ZFYVE26: variants seen among roughly 807,000 people sequenced by gnomAD.
ZFYVE26 encodes zinc finger FYVE-type containing 26.
ZFYVE26 carries 181 observed loss-of-function variants against 276.5 expected under a neutral mutation model. The ratio of observed to expected loss-of-function variants is 0.65; its 90% CI spans 0.58 to 0.74. The LOEUF (loss-of-function observed/expected upper bound fraction) is 0.74, where lower values mean the gene tolerates loss of function less well. Ranked by LOEUF, ZFYVE26 falls within the 30% of genes least tolerant of loss-of-function variation. The pLI, the probability that ZFYVE26 is intolerant of heterozygous loss-of-function variation, is 0.00. For missense variants in ZFYVE26, 2,821 were observed against 3,097.9 expected, an observed-to-expected ratio of 0.91 and a Z score of 2.12; for synonymous variants, 1,129 against 1,203.1, an observed-to-expected ratio of 0.94 and a Z score of 1.27.
chr14:67,748,925 TCTC>T (rs1387975546), intron 41 of ZFYVE26, among the ~76,000 whole-genome samples: 1 of 152,170 alleles, frequency 6.6e-6, no homozygotes, highest in Non-Finnish European at 1.5e-5. Flanking sequence ...CCTCTGACAC[TCTC>T]CTCCTCACTC....
intron 35 of ZFYVE26, among the ~76,000 whole-genome samples, chr14:67,758,932 A>G (rs1340202419): frequency 6.6e-6 from 1 of 152,094 alleles, no homozygotes; most frequent in Non-Finnish European, 1.5e-5. Context: ...ACTGCTCCCA[A>G]CAAATATGAA....
intron 12 of ZFYVE26, 193 bp downstream of exon 12, chr14:67,797,479 A>C: frequency 1.5e-6 from 1 of 666,094 alleles, no homozygotes; most frequent in Non-Finnish European, 2.7e-6. Flanking sequence ...AAGGATATAC[A>C]TGTTTATATT....
chr14:67,768,452 T>C, intron 30 of ZFYVE26, 65 bp downstream of exon 30: 3 of 1,549,054 alleles, frequency 1.9e-6, no homozygotes, highest in South Asian at 1.1e-5. Context: ...ACAGCTGATA[T>C]GCTGAAGATA....
chr14:67,776,219 A>AC (rs2039339968), intron 25 of ZFYVE26, 113 bp from the exon 26 acceptor site: 8 of 1,459,486 alleles, frequency 5.5e-6, no homozygotes, highest in Admixed American at 3.5e-5. Flanking sequence ...GTGCATAGCC[A>AC]GCTACTGAAA....
At chr14:67,781,818 C>G (rs910006970) in intron 21 of ZFYVE26, among the ~76,000 whole-genome samples, 1 of 152,158 alleles carries the variant, frequency 6.6e-6, no homozygotes, top group Admixed American at 6.5e-5. Flanking sequence ...GAAGGAAGGA[C>G]AGAAGAGATG....
At position 67,782,939 on chromosome 14, in the gene ZFYVE26, G is replaced by A; in HGVS notation, c.4213C>T (p.His1405Tyr). 6.2e-7 allele frequency: 1 copy of A among 1,614,240 alleles called. No individual in the cohort carries two copies. Among genetic ancestry groups the A allele is most frequent in the South Asian group, 1.1e-5 (1 of 91,084 alleles). The change falls in exon 21 of 42, where the codon CAT becomes TAT. Residue 1405 changes from histidine to tyrosine, a missense_variant. Coordinates refer to ENST00000347230, the MANE Select transcript of ZFYVE26 (RefSeq NM_015346.4). ...AGTACATCTAGGGCAATGGGAGAAT[G>A]TAGGCCCAGGAGAACGGTAGAAAGA... ...ASLSTVLLGL[H>Y]SPIALDVLSE... is the part of the protein sequence containing the mutation.
chr14:67,731,372 G>A (rs1472871553), intron 13 of ZFYVE26, among the ~76,000 whole-genome samples: 1 of 151,632 alleles, frequency 6.6e-6, no homozygotes, highest in African/African-American at 2.4e-5. Context: ...ATGCCACGAC[G>A]CCCAGCTAGT....
Position 67,798,361 on chromosome 14 carries a change from G to A in ZFYVE26, c.1901C>T (p.Ser634Phe), listed in dbSNP as rs761420970. Residue 634 changes from serine (S) to phenylalanine (F), a missense_variant, in exon 11 of 42, where the codon TCC (serine) becomes TTC (phenylalanine). Ser to Phe is a radical substitution (Grantham distance 155, BLOSUM62 -2). Transcript: ENST00000347230. The part of the protein sequence containing the change: ...AHPERKSERG[S>F]LGVPKTLAYT... ...AGCAAGGGTCTTTGGGACTCCCAGG[G>A]AACCCCGTTCTGACTTCCTTTCAGG... is the stretch of plus-strand genomic sequence containing the variant. The A allele has an allele frequency of 1.3e-5, 21 of 1,609,954 alleles. No individual in the cohort carries two copies. The highest frequency in any genetic ancestry group is 1.7e-5 in the Admixed American group (1 of 59,546).
At chr14:67,811,996 T>C (rs1190422345) in intron 3 of ZFYVE26, among the ~76,000 whole-genome samples, 2 of 150,624 alleles carry the variant, frequency 1.3e-5, no homozygotes, top group African/African-American at 4.9e-5. Flanking sequence ...ATATTCTCAC[T>C]GAAGGAGAAC....
chr14:67,758,203 T>C (rs1437301661), intron 35 of ZFYVE26, among the ~76,000 whole-genome samples: 1 of 152,174 alleles, frequency 6.6e-6, no homozygotes, highest in East Asian at 1.9e-4. Flanking sequence ...GCAGAATGGA[T>C]CTGGGTTTTG....
rs1464698999 is a variant in ZFYVE26, at chr14:67,762,481, T to G, written c.6160-69A>C. 5.1e-6 allele frequency: 8 copies of G among 1,557,330 alleles called. No individual in the cohort carries two copies. In the African/African-American group the frequency reaches 1.1e-4, roughly 21 times the overall value. ...AGGCCTAAATGTCCCAAAGACCTAT[T>G]CTATTCCCAAGTTGCCAACCACCTC... On this transcript the variant is annotated intron_variant, in intron 33 of 41. Transcript: ENST00000347230.
chr14:67,803,509 T>G (rs143278545), intron 9 of ZFYVE26, among the ~76,000 whole-genome samples: 2,395 of 152,086 alleles, frequency 0.016, 27 homozygotes, highest in Non-Finnish European at 0.024. Flanking sequence ...ACCCGGCTAA[T>G]TTTTTATATT....
intron 32 of ZFYVE26, 127 bp downstream of exon 32, chr14:67,766,100 G>T: frequency 1.1e-6 from 1 of 946,694 alleles, no homozygotes; most frequent in Non-Finnish European, 1.7e-6. Context: ...ACATTACACA[G>T]ATGAAAAATC....
At chr14:67,777,491 C>A in intron 25 of ZFYVE26, 68 bp downstream of exon 25, 1 of 1,611,014 alleles carries the variant, frequency 6.2e-7, no homozygotes, top group East Asian at 2.2e-5. Flanking sequence ...TATGCCTTCC[C>A]AACACCTCCT....
Position 67,793,612 on chromosome 14 carries a change from T to C in ZFYVE26, c.2549A>G (p.His850Arg), listed in dbSNP as rs1363117368. The change falls in exon 14 of 42, where the codon CAT becomes CGT. Residue 850 changes from histidine to arginine, a missense_variant. By Grantham distance (29) the His-to-Arg change is conservative (BLOSUM62 0). Coordinates refer to ENST00000347230, the MANE Select transcript of ZFYVE26 (RefSeq NM_015346.4). ...AAAGGTATGGCCTCCCCTCACCTGA[T>C]GGGCTTCTGCGAAGTTCCCGCGAAG... ...CILRGNFAEA[H>R]QVLFTFNLKS... 5.0e-6 allele frequency: 8 copies of C among 1,613,470 alleles called. No homozygotes were observed. Among genetic ancestry groups the C allele is most frequent in the Non-Finnish European group, 6.8e-6 (8 of 1,179,756 alleles).
downstream of ZFYVE26, among the ~76,000 whole-genome samples, chr14:67,744,144 G>A (rs1043227755): frequency 6.6e-6 from 1 of 152,168 alleles, no homozygotes; most frequent in Non-Finnish European, 1.5e-5. Context: ...TGTGGCTATC[G>A]ATATTTGGTT....
chr14:67,752,573 C>A (rs752881155), intron 39 of ZFYVE26, 47 bp from the exon 40 acceptor site: 1 of 1,602,930 alleles, frequency 6.2e-7, no homozygotes, highest in Non-Finnish European at 8.5e-7. Flanking sequence ...GAAACGTTAA[C>A]GGTGGGGAGG....
rs1199967285 is a variant in ZFYVE26 at position 67,789,374 on chromosome 14, T to C, written c.2980A>G (p.Thr994Ala). 1.2e-6 allele frequency: 2 copies of C among 1,614,070 alleles called. No homozygotes were observed. The highest frequency in any genetic ancestry group is 1.7e-6 in the Non-Finnish European group (2 of 1,180,048). Residue 994 changes from threonine (T) to alanine (A), a missense_variant, in exon 16 of 42, where the codon ACA becomes GCA. Physicochemically the swap from Thr to Ala is moderately conservative, Grantham distance 58. Coordinates refer to ENST00000347230, the MANE Select transcript of ZFYVE26 (RefSeq NM_015346.4). ...CTACTATTCAAACGCCGTTCGGCTG[T>C]CTCCAAAAGCTGCTTGCAGGTTTTC... ...LWKTCKQLLE[T>A]AERRLNSSLE...
At chr14:67,757,646 C>A (rs1213488031) in intron 35 of ZFYVE26, among the ~76,000 whole-genome samples, 8 of 19,300 alleles carry the variant, frequency 4.1e-4, no homozygotes, top group African/African-American at 8.4e-4. Context: ...TTTTGTCTTT[C>A]TTTCTTTCTT....
Sources: gnomAD v4.1 joint callset for allele counts (sites outside exome capture counted in the v4.1 genomes callset) on GRCh38, gnomAD v4.1.1 for gene constraint, MANE v1.5 for transcripts, NCBI Gene and HGNC (gene_info 2026-07-23, HGNC 2026-07-21) for gene names.